Variants in NARS2 observed in about 807,000 individuals in gnomAD.
NARS2 encodes asparaginyl-tRNA synthetase.
Under a neutral mutation model 62.9 loss-of-function variants are expected in NARS2, and 60 were observed. That is an observed-to-expected ratio of 0.95 (90% CI 0.77 to 1.18). The LOEUF (loss-of-function observed/expected upper bound fraction) is 1.18. Ranked by LOEUF, NARS2 falls within the 50% of genes most tolerant of loss-of-function variation. The pLI is 0.00. For synonymous variants in NARS2, 196 were observed against 200.0 expected (o/e 0.98, Z 0.17); for missense variants, 619 against 576.4 (o/e 1.07, Z -0.76).
intron 5 of NARS2, among the ~76,000 whole-genome samples, chr11:78,555,974 C>G (rs1856337085): frequency 6.6e-6 from 1 of 152,068 alleles, no homozygotes; most frequent in Non-Finnish European, 1.5e-5. Context: ...TTTAGTTTCC[C>G]TGTAATCATA....
At position 78,436,528 on chromosome 11, in the gene NARS2, T is replaced by C. The variant is rs1565197087; in HGVS notation, c.*142A>G. ...TTTCTAAGAAAATCACAACCACTTA[T>C]ATTTTTTCTATGATATCTTATGGCA... is the stretch of plus-strand genomic sequence containing the variant. On this transcript the variant is annotated 3_prime_UTR_variant, in exon 14 of 14. Transcript: ENST00000281038. The C allele has an allele frequency of 1.9e-6, 2 of 1,029,870 alleles. No individual in the cohort carries two copies. Among genetic ancestry groups the C allele is most frequent in the Non-Finnish European group, 2.8e-6 (2 of 714,972 alleles). 63.8% of individuals were successfully genotyped at this position (1,029,870 alleles called of 1,614,324 possible). A position where few individuals can be genotyped will look rare whatever the true frequency, so the allele number is the denominator to read the frequency against.
At chr11:78,469,572 A>C (rs1284120196) in intron 9 of NARS2, among the ~76,000 whole-genome samples, 1 of 152,250 alleles carries the variant, frequency 6.6e-6, no homozygotes, top group Non-Finnish European at 1.5e-5. Flanking sequence ...CTCTGAATCC[A>C]TGATATGCCA....
At chr11:78,510,016 T>C (rs1165773141) in intron 6 of NARS2, among the ~76,000 whole-genome samples, 5 of 151,972 alleles carry the variant, frequency 3.3e-5, no homozygotes, top group African/African-American at 9.7e-5. Flanking sequence ...GAAATTTAAA[T>C]GTTTCCCTAC....
chr11:78,538,991 T>A (rs2135455077), intron 5 of NARS2, among the ~76,000 whole-genome samples: 1 of 46,626 alleles, frequency 2.1e-5, no homozygotes, highest in Admixed American at 4.7e-4. Context: ...CGAGAATCCG[T>A]CTCAAAAAAA....
chr11:78,482,212 A>G (rs1301178425), intron 7 of NARS2, among the ~76,000 whole-genome samples: 1 of 152,154 alleles, frequency 6.6e-6, no homozygotes, highest in African/African-American at 2.4e-5. Context: ...CTAAACAATT[A>G]TAACTTAAAA....
chr11:78,559,546 T>C lies in NARS2; in HGVS notation c.587A>G (p.Gln196Arg), dbSNP rs1196678619. 6.2e-7 allele frequency: 1 copy of C among 1,608,204 alleles called. No individual in the cohort carries two copies. The stretch of plus-strand genomic sequence containing the variant: ...ATGGGAAGCAAAACTTACTTCAAGT[T>C]GAAAAAGTTCTCCAGCTCCCTCAGA... ...NDSEGAGELF[Q>R]LEPSGKLKVP... is the part of the protein sequence containing the mutation. Residue 196 changes from glutamine (Q) to arginine (R), a missense_variant, in exon 5 of 14, where the codon CAA becomes CGA. Transcript: ENST00000281038.
chr11:78,436,918 T>C, intron 13 of NARS2, 104 bp from the exon 14 acceptor site: 1 of 1,143,446 alleles, frequency 8.7e-7, no homozygotes, highest in Non-Finnish European at 1.3e-6. Flanking sequence ...TTTGTTATTG[T>C]TTACCTCACT....
chr11:78,570,874 A>G (rs997736237), intron 2 of NARS2, among the ~76,000 whole-genome samples: 2 of 152,236 alleles, frequency 1.3e-5, no homozygotes, highest in Non-Finnish European at 2.9e-5. Context: ...ATTACCATTC[A>G]ATGTGATACA....
At chr11:78,485,270 C>A (rs1434873078) in intron 7 of NARS2, among the ~76,000 whole-genome samples, 1 of 151,660 alleles carries the variant, frequency 6.6e-6, no homozygotes, top group Non-Finnish European at 1.5e-5. Context: ...AGCATTAGGA[C>A]AAATACCTAA....
At chr11:78,482,966 T>C (rs1041614573) in intron 7 of NARS2, among the ~76,000 whole-genome samples, 1 of 152,162 alleles carries the variant, frequency 6.6e-6, no homozygotes, top group Non-Finnish European at 1.5e-5. Context: ...ATATCCCTGA[T>C]GAACATCAAT....
chr11:78,465,253 G>T (rs1438402764), intron 11 of NARS2, among the ~76,000 whole-genome samples: 1 of 152,216 alleles, frequency 6.6e-6, no homozygotes, highest in African/African-American at 2.4e-5. Context: ...CGCAAGCACC[G>T]CAGGCAGCCC....
intron 5 of NARS2, among the ~76,000 whole-genome samples, chr11:78,530,034 C>A (rs1565261626): frequency 6.6e-6 from 1 of 151,972 alleles, no homozygotes; most frequent in Non-Finnish European, 1.5e-5. Context: ...TATCATGTAT[C>A]GGTATCTGTG....
At chr11:78,526,519 T>A (rs141174836) in intron 6 of NARS2, among the ~76,000 whole-genome samples, 2 of 152,192 alleles carry the variant, frequency 1.3e-5, no homozygotes, top group Non-Finnish European at 2.9e-5. Flanking sequence ...GAATAAATCA[T>A]ACTTTAATCA....
chr11:78,527,425 T>C (rs1861332029), intron 6 of NARS2, among the ~76,000 whole-genome samples: 1 of 152,172 alleles, frequency 6.6e-6, no homozygotes, highest in Admixed American at 6.5e-5. Context: ...AATCCTATAA[T>C]CTCACCATGT....
chr11:78,438,006 A>G (rs1857463434), intron 13 of NARS2, among the ~76,000 whole-genome samples: 1 of 147,352 alleles, frequency 6.8e-6, no homozygotes. Flanking sequence ...AAAAAAAAAA[A>G]GACAAAAACC....
At chr11:78,568,565 C>T in intron 3 of NARS2, 67 bp downstream of exon 3, 1 of 1,528,996 alleles carries the variant, frequency 6.5e-7, no homozygotes, top group Non-Finnish European at 8.9e-7. Context: ...CTAATAATCA[C>T]ACTTAAAACA....
intron 11 of NARS2, among the ~76,000 whole-genome samples, chr11:78,452,885 A>G (rs532325256): frequency 2.7e-4 from 41 of 152,322 alleles, no homozygotes; most frequent in African/African-American, 9.1e-4. Context: ...GGAAAAAGAT[A>G]TAATTCAAAG....
intron 5 of NARS2, chr11:78,546,660 A>AATTC (rs1338569092): frequency 6.6e-6 from 1 of 152,214 alleles, no homozygotes; most frequent in East Asian, 1.9e-4. Flanking sequence ...ATACATCAAT[A>AATTC]ATTCACTATA....
chr11:78,569,955 GAGGC>G, intron 2 of NARS2, among the ~76,000 whole-genome samples: 1 of 152,300 alleles, frequency 6.6e-6, no homozygotes, highest in Non-Finnish European at 1.5e-5. Context: ...TTGGGAGGCT[GAGGC>G]AGGCAGATCA....
Sources: gnomAD v4.1 joint callset for allele counts (sites outside exome capture counted in the v4.1 genomes callset) on GRCh38, gnomAD v4.1.1 for gene constraint, MANE v1.5 for transcripts, NCBI Gene and HGNC (gene_info 2026-07-23, HGNC 2026-07-21) for gene names.